CASP6: variants seen among roughly 807,000 people sequenced by gnomAD.
The protein encoded by CASP6 is caspase 6, also known as caspase-6.
Under a neutral mutation model 31.8 loss-of-function variants are expected in CASP6, and 20 were observed. The observed-to-expected ratio is 0.63, with a 90% CI of 0.44 to 0.91. The LOEUF is 0.91. Among genes scored for constraint, CASP6 ranks in the 40% least tolerant of loss-of-function variants. The pLI, the probability that CASP6 is intolerant of heterozygous loss-of-function variation, is 0.00. For synonymous variants in CASP6, 130 were observed against 127.8 expected (o/e 1.02, Z -0.12); for missense variants, 328 against 361.1 (o/e 0.91, Z 0.74).
chr4:109,694,542 T>A lies in CASP6; in HGVS notation c.466A>T (p.Lys156Ter). The part of the protein sequence containing the change: ...DKCHSLVGKP[K>*]IFIIQACRGN... ...AGTCTTACCTGAATGATAAATATCT[T>A]GGGTTTTCCAACCAGGCTGTGACAC... The change falls in exon 5 of 7, where the codon AAG becomes TAG. Residue 156 changes from lysine to a stop codon, truncating the protein, a stop_gained. Coordinates refer to ENST00000265164, the MANE Select transcript of CASP6 (RefSeq NM_001226.4). LOFTEE classifies it high-confidence loss of function. 1 of 1,602,984 alleles carries A rather than the reference T, an allele frequency of 6.2e-7. No individual in the cohort carries two copies. Among genetic ancestry groups the A allele is most frequent in the East Asian group, 2.2e-5 (1 of 44,476 alleles).
intron 5 of CASP6, chr4:109,692,428 T>G (rs1466794275): frequency 6.6e-6 from 1 of 152,208 alleles, no homozygotes; most frequent in Admixed American, 6.5e-5. Context: ...ATCTAAGGCA[T>G]AGAGAGAGAA....
chr4:109,691,214 T>C (rs984144058), intron 5 of CASP6, among the ~76,000 whole-genome samples: 6 of 152,228 alleles, frequency 3.9e-5, no homozygotes, highest in African/African-American at 1.4e-4. Flanking sequence ...AGTTAATGTT[T>C]TAAGAAAAAA....
At chr4:109,678,806 C>T in the CASP6 span, among the ~76,000 whole-genome samples, 335 of 145,942 alleles carry the variant, frequency 2.3e-3, 1 homozygote, top group African/African-American at 8.4e-3. Flanking sequence ...CAGAGGCGCT[C>T]CTCAATTCCC....
the CASP6 span, among the ~76,000 whole-genome samples, chr4:109,683,549 A>G: frequency 3.9e-5 from 6 of 152,208 alleles, no homozygotes; most frequent in Admixed American, 3.9e-4. Context: ...ACACTTATGA[A>G]TCATTTCAGA....
chr4:109,673,335 T>G, the CASP6 span, among the ~76,000 whole-genome samples: 1 of 152,194 alleles, frequency 6.6e-6, no homozygotes, highest in Non-Finnish European at 1.5e-5. Context: ...CCATAAGCCT[T>G]AGGTCTAAGT....
rs567117111 is a variant in CASP6 at position 109,699,121 on chromosome 4, G to A, written c.41-779C>T. On this transcript the variant is annotated intron_variant, in intron 1 of 6. Coordinates refer to ENST00000265164, the MANE Select transcript of CASP6 (RefSeq NM_001226.4). ...TGTCAATTTAAATGAATTGGCCAGT[G>A]GCTTCTACACTGGACAGTGCAAAGT... Among the ~76,000 whole-genome samples the A allele has an allele frequency of 1.6e-3, 248 of 152,314 alleles. 1 individual carries two copies. Among genetic ancestry groups the A allele is most frequent in the African/African-American group, 5.6e-3 (232 of 41,550 alleles).
At chr4:109,699,161 A>G (rs2126160440) in intron 1 of CASP6, among the ~76,000 whole-genome samples, 1 of 152,314 alleles carries the variant, frequency 6.6e-6, no homozygotes, top group South Asian at 2.1e-4. Flanking sequence ...CATCTTCTAC[A>G]ATAAAGGCCC....
downstream of CASP6, chr4:109,688,459 TACA>T (rs1438779273): frequency 2.0e-5 from 3 of 152,206 alleles, no homozygotes; most frequent in African/African-American, 4.8e-5. Context: ...CAGAATGCCA[TACA>T]ACAATTCTGG....
the CASP6 span, among the ~76,000 whole-genome samples, chr4:109,679,033 G>A: frequency 1.2e-4 from 18 of 144,938 alleles, no homozygotes; most frequent in African/African-American, 3.1e-4. Context: ...GGGCAGAGGC[G>A]CTCCTCTCTT....
At chr4:109,676,104 G>A in the CASP6 span, among the ~76,000 whole-genome samples, 1 of 152,200 alleles carries the variant, frequency 6.6e-6, no homozygotes, top group African/African-American at 2.4e-5. Flanking sequence ...GAGTTTGGAA[G>A]AGCAGACTAG....
rs1418817232 is a variant in CASP6, at chr4:109,688,908, A to ACTT, written c.*419_*421dup. ...AAGGCAGTTCTCTGCTAGGCATTAA[A>ACTT]CTTTAAAACATTTGAATCATTAGAC... is the stretch of plus-strand genomic sequence containing the variant. On this transcript the variant is annotated 3_prime_UTR_variant, in exon 7 of 7. Transcript: ENST00000265164. 3 of 152,964 alleles carry ACTT rather than the reference A, an allele frequency of 2.0e-5. No homozygotes were observed. Among genetic ancestry groups the ACTT allele is most frequent in the African/African-American group, 7.3e-5 (3 of 41,014 alleles). The allele number at this position is 152,964 out of a possible 1,614,324, so 9.5% of individuals were successfully genotyped here.
the CASP6 span, among the ~76,000 whole-genome samples, chr4:109,669,944 T>C: frequency 6.6e-6 from 1 of 152,232 alleles, no homozygotes; most frequent in Non-Finnish European, 1.5e-5. Context: ...TTCTAGTAGA[T>C]TCCTTAGCAT....
downstream of CASP6, chr4:109,685,227 C>G: frequency 8.8e-6 from 8 of 909,144 alleles, no homozygotes; most frequent in Non-Finnish European, 1.4e-5. Context: ...ATGTTGTTTT[C>G]TTCTCTCTCT....
chr4:109,697,414 G>A (rs899621907), intron 3 of CASP6, among the ~76,000 whole-genome samples: 2 of 151,898 alleles, frequency 1.3e-5, no homozygotes, highest in African/African-American at 2.4e-5. Context: ...TGGGACTACC[G>A]CCACCATGCC....
chr4:109,681,530 T>G, the CASP6 span: 1 of 436,180 alleles, frequency 2.3e-6, no homozygotes, highest in South Asian at 1.7e-5. Flanking sequence ...GACCTGGGGT[T>G]CTTGGCCTCA....
At chr4:109,691,769 G>A (rs988302773) in intron 5 of CASP6, among the ~76,000 whole-genome samples, 5 of 152,106 alleles carry the variant, frequency 3.3e-5, no homozygotes, top group African/African-American at 7.2e-5. Flanking sequence ...AGGTCATACG[G>A]GTGAAACCAA....
At chr4:109,702,326 CTT>C (rs377758495) in intron 1 of CASP6, among the ~76,000 whole-genome samples, 5 of 146,572 alleles carry the variant, frequency 3.4e-5, no homozygotes, top group East Asian at 2.0e-4. Flanking sequence ...GCGTTTCGTT[CTT>C]TTTTTTTTTT....
the CASP6 span, among the ~76,000 whole-genome samples, chr4:109,667,288 T>C: frequency 2.6e-5 from 4 of 152,238 alleles, no homozygotes; most frequent in South Asian, 8.3e-4. Flanking sequence ...GTAGATTGTG[T>C]ATTTCTTTTT....
At chr4:109,692,047 A>T (rs1479833587) in intron 5 of CASP6, 1 of 152,252 alleles carries the variant, frequency 6.6e-6, no homozygotes, top group African/African-American at 2.4e-5. Context: ...ATTCTGTTGT[A>T]GCATTATAAA....
Sources: allele counts gnomAD v4.1 joint callset (sites outside exome capture counted in the v4.1 genomes callset), GRCh38; gene constraint gnomAD v4.1.1; transcripts MANE v1.5; gene names NCBI Gene and HGNC (gene_info 2026-07-23, HGNC 2026-07-21).